Variants in BTF3L4 observed in about 807,000 individuals in gnomAD.
BTF3L4 encodes transcription factor BTF3 homolog 4.
Under a neutral mutation model 16.8 loss-of-function variants are expected in BTF3L4, and 6 were observed. That is an observed-to-expected ratio of 0.36 (90% CI 0.20 to 0.71). The LOEUF is 0.71. BTF3L4 is among the 30% of genes least tolerant of loss of function. BTF3L4 has a pLI of 0.58. For missense variants in BTF3L4, 92 were observed against 186.9 expected, an observed-to-expected ratio of 0.49 and a Z score of 2.96; for synonymous variants, 39 against 59.8, an observed-to-expected ratio of 0.65 and a Z score of 1.60.
At chr1:52,070,374 A>G (rs1483899002) in intron 3 of BTF3L4, among the ~76,000 whole-genome samples, 1 of 151,674 alleles carries the variant, frequency 6.6e-6, no homozygotes, top group Admixed American at 6.6e-5. Flanking sequence ...TAAATTATAT[A>G]TAGGTTTGTT....
At chr1:52,076,211 G>A (rs1321772238) in intron 3 of BTF3L4, among the ~76,000 whole-genome samples, 2 of 152,102 alleles carry the variant, frequency 1.3e-5, no homozygotes, top group Non-Finnish European at 2.9e-5. Flanking sequence ...AGGAGGTGCA[G>A]GTTGCGTTGA....
chr1:52,068,195 C>A (rs1282110584), intron 3 of BTF3L4, among the ~76,000 whole-genome samples: 2 of 152,140 alleles, frequency 1.3e-5, no homozygotes, highest in Admixed American at 1.3e-4. Context: ...AATTTTTGAT[C>A]TCTTCAGAAT....
chr1:52,075,395 C>T (rs769522537), intron 3 of BTF3L4, among the ~76,000 whole-genome samples: 3 of 150,930 alleles, frequency 2.0e-5, no homozygotes, highest in Non-Finnish European at 4.4e-5. Flanking sequence ...TGGCACGCTC[C>T]TGTAGCCCCA....
At chr1:52,061,937 CG>C (rs1686521913) in intron 2 of BTF3L4, among the ~76,000 whole-genome samples, 5 of 149,370 alleles carry the variant, frequency 3.3e-5, no homozygotes, top group African/African-American at 1.2e-4. Context: ...CCACCGTGCC[CG>C]GCCTCTTTTT....
At chr1:52,060,361 G>T in intron 2 of BTF3L4, 4 of 737,750 alleles carry the variant, frequency 5.4e-6, no homozygotes, top group Non-Finnish European at 5.8e-6. Flanking sequence ...TTGACTGGAT[G>T]TTACCTACTT....
chr1:52,058,302 T>C (rs1053923258), intron 1 of BTF3L4, among the ~76,000 whole-genome samples: 13 of 152,368 alleles, frequency 8.5e-5, no homozygotes, highest in Admixed American at 4.6e-4. Flanking sequence ...TGAAGAATCA[T>C]AAATTCTAAA....
intron 3 of BTF3L4, among the ~76,000 whole-genome samples, chr1:52,072,110 A>G (rs1348162073): frequency 6.7e-6 from 1 of 149,248 alleles, no homozygotes; most frequent in East Asian, 2.0e-4. Flanking sequence ...GCTGGAGTGC[A>G]GTGGTGCGAT....
At chr1:52,060,783 CCA>C (rs1415821411) in intron 2 of BTF3L4, 1 of 223,274 alleles carries the variant, frequency 4.5e-6, no homozygotes, top group Non-Finnish European at 7.9e-6. Flanking sequence ...TCTCCTTCTC[CCA>C]CAGTGATACA....
At chr1:52,082,049 T>C (rs61782475) in intron 3 of BTF3L4, among the ~76,000 whole-genome samples, 8,678 of 152,232 alleles carry the variant, frequency 0.057, 344 homozygotes, top group Middle Eastern at 0.085. Context: ...AGCCAAGAGT[T>C]AACTCTTCCT....
intron 3 of BTF3L4, among the ~76,000 whole-genome samples, chr1:52,067,944 T>A (rs548590751): frequency 6.6e-6 from 1 of 152,306 alleles, no homozygotes; most frequent in South Asian, 2.1e-4. Context: ...TTGCCATGTA[T>A]ACGTACCTTG....
At chr1:52,081,835 G>C (rs1034172749) in intron 3 of BTF3L4, among the ~76,000 whole-genome samples, 19 of 152,126 alleles carry the variant, frequency 1.2e-4, no homozygotes, top group Non-Finnish European at 2.5e-4. Flanking sequence ...ATTTTCCAGG[G>C]ATTTGCCTTT....
At chr1:52,086,451 A>G in intron 5 of BTF3L4, 1 of 479,666 alleles carries the variant, frequency 2.1e-6, no homozygotes. Flanking sequence ...TGTATGAATT[A>G]TAATTGACAT....
intron 5 of BTF3L4, 90 bp downstream of exon 5, chr1:52,086,261 T>C: frequency 2.1e-6 from 2 of 964,094 alleles, no homozygotes; most frequent in Non-Finnish European, 3.1e-6. Context: ...TTTGTGTTGA[T>C]TGTAAGCTCA....
chr1:52,059,369 G>A (rs1686453770), intron 1 of BTF3L4, among the ~76,000 whole-genome samples: 1 of 151,532 alleles, frequency 6.6e-6, no homozygotes, highest in Non-Finnish European at 1.5e-5. Context: ...TTTTCCTTTT[G>A]TCATCTTTAT....
intron 2 of BTF3L4, among the ~76,000 whole-genome samples, 172 bp from the exon 3 acceptor site, chr1:52,064,653 A>G (rs1489592138): frequency 6.6e-6 from 1 of 152,226 alleles, no homozygotes; most frequent in Non-Finnish European, 1.5e-5. Flanking sequence ...AACCTTTAGA[A>G]ATCTGCGTTA....
At position 52,087,018 on chromosome 1, in the gene BTF3L4, G is replaced by A; in HGVS notation, c.*260G>A. 2.8e-6 allele frequency: 1 copy of A among 356,096 alleles called. No homozygotes were observed. The highest frequency in any genetic ancestry group is 5.0e-6 in the Non-Finnish European group (1 of 198,190). The allele number at this position is 356,096 out of a possible 1,614,324, so 22.1% of individuals were successfully genotyped here. On this transcript the variant is annotated 3_prime_UTR_variant, in exon 6 of 6. Transcript: ENST00000313334. ...TTGGTTTTTGATTCCTGGTTTTTTT[G>A]TTTTTTGTTTGGGGTATTTTTGGTG...
At chr1:52,080,557 G>T (rs1423700883) in intron 3 of BTF3L4, among the ~76,000 whole-genome samples, 1 of 103,902 alleles carries the variant, frequency 9.6e-6, no homozygotes, top group East Asian at 3.2e-4. Context: ...TTTTTGAGAC[G>T]GAGTCTGACT....
At position 52,057,295 on chromosome 1, in the gene BTF3L4, T is replaced by C. The variant is rs141349742; in HGVS notation, c.-14+916T>C. ...ATGTATGTGAAAGTGCCTACCACAA[T>C]GCTTCTAACTTAGGCACTTAATAAA... On this transcript the variant is annotated intron_variant, in intron 1 of 5. Coordinates refer to ENST00000313334, the MANE Select transcript of BTF3L4 (RefSeq NM_152265.5). 3.0e-3 allele frequency among the ~76,000 whole-genome samples: 463 copies of C among 152,362 alleles called. 3 individuals are homozygous for C. The highest frequency in any genetic ancestry group is 0.011 in the African/African-American group (443 of 41,586).
chr1:52,084,163 A>G (rs984779415), intron 4 of BTF3L4, among the ~76,000 whole-genome samples: 1 of 152,140 alleles, frequency 6.6e-6, no homozygotes, highest in Admixed American at 6.5e-5. Flanking sequence ...TTTGAGACAT[A>G]AAGTCTTGCT....
Sources: gnomAD v4.1 joint callset for allele counts (sites outside exome capture counted in the v4.1 genomes callset) on GRCh38, gnomAD v4.1.1 for gene constraint, MANE v1.5 for transcripts, NCBI Gene and HGNC (gene_info 2026-07-23, HGNC 2026-07-21) for gene names.